FHIP1A: variants seen among roughly 807,000 people sequenced by gnomAD.
FHIP1A encodes the protein FHF complex subunit HOOK-interacting protein 1A.
In FHIP1A, 61 loss-of-function variants were observed where a neutral mutation model predicts 88.6. That is an observed-to-expected ratio of 0.69 (90% confidence interval 0.56 to 0.85). The LOEUF (loss-of-function observed/expected upper bound fraction) is 0.85, where lower values mean the gene tolerates loss of function less well. Ranked by LOEUF, FHIP1A falls within the 40% of genes least tolerant of loss-of-function variation. FHIP1A has a pLI of 0.00. For synonymous variants in FHIP1A, 478 were observed against 496.0 expected, an observed-to-expected ratio of 0.96 and a Z score of 0.48; for missense variants, 1,154 against 1,273.5, an observed-to-expected ratio of 0.91 and a Z score of 1.43.
chr4:151,623,513 T>C (rs1004838891), intron 7 of FHIP1A, among the ~76,000 whole-genome samples: 1 of 145,692 alleles, frequency 6.9e-6, no homozygotes. Flanking sequence ...CCCGCTGACT[T>C]CCTGGTCCTT....
At chr4:151,565,032 C>T (rs1733328613) in intron 3 of FHIP1A, among the ~76,000 whole-genome samples, 1 of 152,124 alleles carries the variant, frequency 6.6e-6, no homozygotes, top group South Asian at 2.1e-4. Context: ...TCGGTGTTCT[C>T]CTTGTAATAC....
chr4:151,581,704 C>T (rs1288964042), intron 5 of FHIP1A, among the ~76,000 whole-genome samples: 1 of 152,050 alleles, frequency 6.6e-6, no homozygotes, highest in Non-Finnish European at 1.5e-5. Flanking sequence ...AAAAAAAGCC[C>T]TCTTTATGTT....
intron 2 of FHIP1A, among the ~76,000 whole-genome samples, chr4:151,465,776 A>G (rs762185188): frequency 6.6e-6 from 1 of 152,182 alleles, no homozygotes. Context: ...CGAAAACCAC[A>G]TGATTATCAC....
intron 3 of FHIP1A, among the ~76,000 whole-genome samples, chr4:151,498,542 A>G (rs1730541367): frequency 6.6e-6 from 1 of 152,164 alleles, no homozygotes; most frequent in Non-Finnish European, 1.5e-5. Context: ...TGGGCCAGGC[A>G]CAGTGTCTCA....
chr4:151,476,338 G>A (rs1223486886), intron 2 of FHIP1A, among the ~76,000 whole-genome samples: 3 of 151,418 alleles, frequency 2.0e-5, no homozygotes, highest in African/African-American at 4.9e-5. Context: ...TTGTCGAGAC[G>A]AAGTCTTGCT....
chr4:151,447,549 A>G (rs1215693029), intron 1 of FHIP1A, among the ~76,000 whole-genome samples: 1 of 152,114 alleles, frequency 6.6e-6, no homozygotes, highest in African/African-American at 2.4e-5. Context: ...CCCTCTGCCC[A>G]CTATCATTTA....
rs1360587706 is a variant in FHIP1A, at chr4:151,454,765, G to GT, written c.-288dup. 4 of 151,828 alleles carry GT rather than the reference G, an allele frequency of 2.6e-5. No homozygotes were observed. Among genetic ancestry groups the GT allele is most frequent in the Non-Finnish European group, 5.9e-5 (4 of 68,012 alleles). 9.4% of individuals were successfully genotyped at this position (151,828 alleles called of 1,614,324 possible). A position where few individuals can be genotyped will look rare whatever the true frequency, so the allele number is the denominator to read the frequency against. On this transcript the variant is annotated 5_prime_UTR_variant, in exon 2 of 14. An upstream open reading frame in the 5' UTR loses its in-frame stop. Transcript: ENST00000435205. ...GAGAACTCAATGTTTGACTATGAAT[G>GT]TTTCGTTATAACTGCCTGGAAGGTT... is the stretch of plus-strand genomic sequence containing the variant.
At chr4:151,659,855 G>C (rs988084570) in intron 13 of FHIP1A, among the ~76,000 whole-genome samples, 1 of 152,244 alleles carries the variant, frequency 6.6e-6, no homozygotes, top group African/African-American at 2.4e-5. Context: ...GCTCCAGAGA[G>C]AGCGGACGTC....
chr4:151,515,672 C>CA (rs1465940504), intron 3 of FHIP1A, among the ~76,000 whole-genome samples: 1 of 151,864 alleles, frequency 6.6e-6, no homozygotes, highest in Non-Finnish European at 1.5e-5. Flanking sequence ...GACAGAGAGC[C>CA]AAATCATGAG....
chr4:151,488,347 C>T (rs1356986366), intron 3 of FHIP1A, among the ~76,000 whole-genome samples: 1 of 152,166 alleles, frequency 6.6e-6, no homozygotes, highest in Non-Finnish European at 1.5e-5. Flanking sequence ...CTCTAATGGT[C>T]TCCAGTGTCT....
At chr4:151,608,247 G>A (rs1379038283) in intron 7 of FHIP1A, among the ~76,000 whole-genome samples, 2 of 151,484 alleles carry the variant, frequency 1.3e-5, no homozygotes, top group Non-Finnish European at 2.9e-5. Flanking sequence ...GTTTCACCAT[G>A]TTGGCCAGGC....
chr4:151,540,988 C>T (rs750791318), intron 3 of FHIP1A, among the ~76,000 whole-genome samples: 2 of 152,158 alleles, frequency 1.3e-5, no homozygotes, highest in South Asian at 2.1e-4. Context: ...ATAATATCCT[C>T]GTGCTTTTTG....
At chr4:151,448,237 G>T (rs533979791) in intron 1 of FHIP1A, among the ~76,000 whole-genome samples, 1 of 152,146 alleles carries the variant, frequency 6.6e-6, no homozygotes, top group East Asian at 1.9e-4. Flanking sequence ...AGAATTTTGA[G>T]AAAATAAATT....
In FHIP1A at chr4:151,655,485, C is replaced by T. The variant is rs550138638; in HGVS notation, c.2552-747C>T. Among the ~76,000 whole-genome samples, 4 of 152,128 alleles carry T rather than the reference C, an allele frequency of 2.6e-5. No homozygotes were observed. The South Asian group carries it at 6.2e-4, about 24-fold the overall frequency. On this transcript the variant is annotated intron_variant, in intron 11 of 13. Coordinates refer to ENST00000435205, the MANE Select transcript of FHIP1A (RefSeq NM_001109977.3). ...TAAAATGACTGCTTTTGTAGTCATACGGATTTTATTTTTTAAGAAATCTGT... is the reference window on the plus strand; with the variant it reads ...TAAAATGACTGCTTTTGTAGTCATATGGATTTTATTTTTTAAGAAATCTGT...
chr4:151,549,323 C>T (rs1732630965), intron 3 of FHIP1A, among the ~76,000 whole-genome samples: 1 of 151,940 alleles, frequency 6.6e-6, no homozygotes, highest in Admixed American at 6.5e-5. Context: ...AATAAGAGAG[C>T]TGAACATACT....
At chr4:151,544,178 A>G (rs1732400214) in intron 3 of FHIP1A, among the ~76,000 whole-genome samples, 1 of 152,216 alleles carries the variant, frequency 6.6e-6, no homozygotes, top group Non-Finnish European at 1.5e-5. Context: ...AAAGCTCCAT[A>G]TTTTGAAGAT....
intron 7 of FHIP1A, among the ~76,000 whole-genome samples, chr4:151,592,425 C>T (rs144655423): frequency 0.016 from 2,485 of 152,230 alleles, 22 homozygotes; most frequent in Middle Eastern, 0.034. Flanking sequence ...TGAGCCACCG[C>T]GCCCGGCTGT....
intron 1 of FHIP1A, among the ~76,000 whole-genome samples, chr4:151,428,550 A>C (rs1176747814): frequency 1.3e-5 from 2 of 152,060 alleles, no homozygotes; most frequent in African/African-American, 4.8e-5. Context: ...GTAATATTTA[A>C]ACAATGTAGA....
intron 1 of FHIP1A, among the ~76,000 whole-genome samples, chr4:151,428,530 C>T (rs1482820239): frequency 2.6e-5 from 4 of 152,130 alleles, no homozygotes; most frequent in Admixed American, 6.6e-5. Context: ...TCTCTTCTAC[C>T]TCACCCTTAG....
Sources: gnomAD v4.1 joint callset for allele counts (sites outside exome capture counted in the v4.1 genomes callset) on GRCh38, gnomAD v4.1.1 for gene constraint, MANE v1.5 for transcripts, NCBI Gene and HGNC (gene_info 2026-07-23, HGNC 2026-07-21) for gene names.